CACNA1D: variants seen among roughly 807,000 people sequenced by gnomAD.
CACNA1D encodes the protein calcium voltage-gated channel subunit alpha1 D, also known as voltage-dependent L-type calcium channel subunit alpha-1D.
CACNA1D carries 55 observed loss-of-function variants against 257.1 expected under a neutral mutation model. That is an observed-to-expected ratio of 0.21 (90% CI 0.17 to 0.27). The LOEUF (loss-of-function observed/expected upper bound fraction) is 0.27, where lower values mean the gene tolerates loss of function less well. Ranked by LOEUF, CACNA1D falls within the 10% of genes least tolerant of loss-of-function variation. The pLI, the probability that CACNA1D is intolerant of heterozygous loss-of-function variation, is 1.00. For missense variants in CACNA1D, 1,876 were observed against 2,784.0 expected (o/e 0.67, Z 7.34); for synonymous variants, 980 against 1,014.9 (o/e 0.97, Z 0.65).
intron 3 of CACNA1D, among the ~76,000 whole-genome samples, chr3:53,562,686 A>G (rs927962606): frequency 2.0e-5 from 3 of 152,156 alleles, no homozygotes; most frequent in African/African-American, 7.2e-5. Flanking sequence ...CCTGTGTGAG[A>G]TGATTTCCAG....
chr3:53,633,346 G>A (rs1178587646), intron 3 of CACNA1D, among the ~76,000 whole-genome samples: 1 of 152,220 alleles, frequency 6.6e-6, no homozygotes, highest in Non-Finnish European at 1.5e-5. Flanking sequence ...ATATTAGCCT[G>A]TGTGGTGGCA....
rs1465997147 is a variant in CACNA1D, at chr3:53,726,906, G to T, written c.2128G>T (p.Val710Leu). Residue 710 changes from valine (V) to leucine (L), a missense_variant, in exon 15 of 48, where the codon GTG becomes TTG. This residue lies in a region of CACNA1D where 257 missense variants were observed against 399.7 expected (regional missense o/e 0.64). Coordinates refer to ENST00000350061, the MANE Select transcript of CACNA1D (RefSeq NM_001128840.3). ...CCTGACAGGCGAAGACTGGAATGCT[G>T]TGATGTACGATGGCATCATGGCTTA... is the stretch of plus-strand genomic sequence containing the variant. ...QILTGEDWNA[V>L]MYDGIMAYGG... 4 of 1,614,088 alleles carry T rather than the reference G, an allele frequency of 2.5e-6. No individual in the cohort carries two copies. Among genetic ancestry groups the T allele is most frequent in the Admixed American group, 3.3e-5 (2 of 60,012 alleles).
intron 3 of CACNA1D, among the ~76,000 whole-genome samples, chr3:53,639,676 G>C (rs1329979157): frequency 6.6e-6 from 1 of 151,732 alleles, no homozygotes; most frequent in Non-Finnish European, 1.5e-5. Context: ...GTGAGCCACC[G>C]CGCCCGGCTG....
chr3:53,650,680 T>A lies in CACNA1D; in HGVS notation c.484-99T>A, dbSNP rs761787733. ...AACTTTGTTTGGAGGGAAATGCTTA[T>A]ATGTCTAAGGTGTTGATTCTAATCT... On this transcript the variant is annotated intron_variant, in intron 3 of 47. Coordinates refer to ENST00000350061, the MANE Select transcript of CACNA1D (RefSeq NM_001128840.3). The A allele has an allele frequency of 2.5e-4, 306 of 1,223,446 alleles. 1 individual carries two copies. Among genetic ancestry groups the A allele is most frequent in the Non-Finnish European group, 3.5e-4 (291 of 836,184 alleles). 75.8% of individuals were successfully genotyped at this position (1,223,446 alleles called of 1,614,324 possible). A position where few individuals can be genotyped will look rare whatever the true frequency, so the allele number is the denominator to read the frequency against.
rs1231636348 is a variant in CACNA1D, at chr3:53,695,751, C to A, written c.1221-6890C>A. On this transcript the variant is annotated intron_variant, in intron 8 of 47. Transcript: ENST00000350061. ...TATTGATGTTAAATCCAACCCATCA[C>A]CCAGTGCTTACTGAATGTCTCTGGT... is the stretch of plus-strand genomic sequence containing the variant. Among the ~76,000 whole-genome samples, 9 of 152,148 alleles carry A rather than the reference C, an allele frequency of 5.9e-5. No homozygotes were observed. In the East Asian group the frequency reaches 1.7e-3, roughly 29 times the overall value.
intron 8 of CACNA1D, among the ~76,000 whole-genome samples, chr3:53,684,035 T>C (rs190672756): frequency 4.1e-4 from 62 of 152,140 alleles, no homozygotes; most frequent in Admixed American, 9.2e-4. Flanking sequence ...AGAAAGCAAA[T>C]GGGAAAGGGC....
chr3:53,791,071 GA>G (rs1282084333), intron 40 of CACNA1D: 2 of 700,598 alleles, frequency 2.9e-6, no homozygotes, highest in Non-Finnish European at 5.2e-6. Context: ...CCTTGAAAGG[GA>G]AAAGTCTCAA....
At chr3:53,788,878 G>T (rs933389035) in intron 40 of CACNA1D, among the ~76,000 whole-genome samples, 4 of 152,166 alleles carry the variant, frequency 2.6e-5, no homozygotes, top group Non-Finnish European at 4.4e-5. Context: ...CCACTTGGAT[G>T]CAGGGTCATT....
chr3:53,772,988 G>C (rs950999538), intron 33 of CACNA1D, 90 bp downstream of exon 33: 3 of 1,120,138 alleles, frequency 2.7e-6, no homozygotes, highest in Non-Finnish European at 4.1e-6. Context: ...TGAAGTAGAA[G>C]CATTGTGATT....
chr3:53,618,115 G>A (rs1013290290), intron 3 of CACNA1D, among the ~76,000 whole-genome samples: 3 of 152,174 alleles, frequency 2.0e-5, no homozygotes, highest in African/African-American at 4.8e-5. Flanking sequence ...TGGACCTGTA[G>A]GGACCCGCCA....
intron 3 of CACNA1D, among the ~76,000 whole-genome samples, chr3:53,576,565 T>C (rs2093042075): frequency 6.6e-6 from 1 of 152,226 alleles, no homozygotes; most frequent in Non-Finnish European, 1.5e-5. Flanking sequence ...GGAGTTGCTG[T>C]GGGAAGACCC....
At chr3:53,796,151 TC>T in intron 40 of CACNA1D, 1 of 300,966 alleles carries the variant, frequency 3.3e-6, no homozygotes, top group Non-Finnish European at 6.8e-6. Context: ...ATGGAACTAG[TC>T]TAAAAAGGTC....
chr3:53,599,298 AC>A (rs1553743772), intron 3 of CACNA1D, among the ~76,000 whole-genome samples: 1 of 152,166 alleles, frequency 6.6e-6, no homozygotes, highest in Non-Finnish European at 1.5e-5. Context: ...TCTTTTAACC[AC>A]TATAAACCAT....
intron 3 of CACNA1D, among the ~76,000 whole-genome samples, chr3:53,610,811 A>G (rs1410193332): frequency 6.6e-6 from 1 of 151,894 alleles, no homozygotes; most frequent in Admixed American, 6.6e-5. Context: ...TCTTCTCTGT[A>G]TACGTGTATT....
chr3:53,555,471 T>TG (rs2092626037), intron 3 of CACNA1D, among the ~76,000 whole-genome samples: 2 of 148,374 alleles, frequency 1.3e-5, no homozygotes, highest in African/African-American at 4.9e-5. Flanking sequence ...TTTTTTTTTT[T>TG]TTTTTTTTTT....
intron 29 of CACNA1D, among the ~76,000 whole-genome samples, chr3:53,755,748 G>A (rs1041644452): frequency 1.3e-5 from 2 of 152,062 alleles, no homozygotes; most frequent in African/African-American, 4.8e-5. Flanking sequence ...GTGCCGGGAT[G>A]AGTGGGAGAG....
Position 53,781,736 on chromosome 3 carries a change from A to G in CACNA1D, c.4792+69A>G, listed in dbSNP as rs1388783241. 4.8e-6 allele frequency: 5 copies of G among 1,046,862 alleles called. No individual in the cohort carries two copies. In the Admixed American group the frequency reaches 6.8e-5, roughly 14 times the overall value. The allele number at this position is 1,046,862 out of a possible 1,614,324, so 64.8% of individuals were successfully genotyped here. The stretch of plus-strand genomic sequence containing the variant: ...GGTTTTAATGCTAGTGTCTCCAGAA[A>G]GTCCAGAGAGTGTTTGCAAAATGCT... On this transcript the variant is annotated intron_variant, in intron 39 of 47. Transcript: ENST00000350061.
chr3:53,717,913 C>A (rs552664043), intron 9 of CACNA1D, among the ~76,000 whole-genome samples: 2 of 152,162 alleles, frequency 1.3e-5, no homozygotes, highest in Non-Finnish European at 2.9e-5. Context: ...CTATATGCAC[C>A]TTTTGGGGCA....
Position 53,752,305 on chromosome 3 carries a change from T to A in CACNA1D, c.3675+398T>A, listed in dbSNP as rs144526440. Among the ~76,000 whole-genome samples, 27 of 152,328 alleles carry A rather than the reference T, an allele frequency of 1.8e-4. No individual in the cohort carries two copies. The East Asian group carries it at 3.7e-3, about 21-fold the overall frequency. ...AAAGTTGTTTAAATTCCCCGAGGCT[T>A]GATTTCTTTATCAGTAAAATGGGGA... On this transcript the variant is annotated intron_variant, in intron 28 of 47. Coordinates refer to ENST00000350061, the MANE Select transcript of CACNA1D (RefSeq NM_001128840.3).
Sources: allele counts gnomAD v4.1 joint callset (sites outside exome capture counted in the v4.1 genomes callset), GRCh38; gene constraint gnomAD v4.1.1; regional missense constraint gnomAD v4.1.1; transcripts MANE v1.5; gene names NCBI Gene and HGNC (gene_info 2026-07-23, HGNC 2026-07-21).